The following SMARCD1 variants were observed in gnomAD, a reference collection of about 807,000 sequenced individuals.
SMARCD1 encodes SWI/SNF related BAF chromatin remodeling complex subunit D1, also known as SWI/SNF-related matrix-associated actin-dependent regulator of chromatin subfamily D member 1.
A neutral mutation model predicts 70.8 loss-of-function variants in SMARCD1; 16 were observed. The observed-to-expected ratio is 0.23, with a 90% CI of 0.15 to 0.34. The LOEUF is 0.34. SMARCD1 is among the 10% of genes least tolerant of loss of function. The pLI, the probability that SMARCD1 is intolerant of heterozygous loss-of-function variation, is 1.00. For synonymous variants in SMARCD1, 249 were observed against 246.0 expected, an observed-to-expected ratio of 1.01 and a Z score of -0.11; for missense variants, 409 against 655.5, an observed-to-expected ratio of 0.62 and a Z score of 4.11.
chr12:50,095,200 C>G (rs1424765284), intron 10 of SMARCD1, among the ~76,000 whole-genome samples: 1 of 152,236 alleles, frequency 6.6e-6, no homozygotes, highest in Non-Finnish European at 1.5e-5. Flanking sequence ...ATGGTAACTT[C>G]TGCTACTATT....
intron 4 of SMARCD1, 150 bp from the exon 5 acceptor site, chr12:50,087,213 C>T (rs1950799802): frequency 1.0e-6 from 1 of 952,990 alleles, no homozygotes; most frequent in Non-Finnish European, 1.6e-6. Context: ...CAGTACTCCT[C>T]TTCTAAATGG....
Position 50,099,212 on chromosome 12 carries a change from C to A in SMARCD1, c.*212C>A. On this transcript the variant is annotated 3_prime_UTR_variant, in exon 13 of 13. Coordinates refer to ENST00000394963, the MANE Select transcript of SMARCD1 (RefSeq NM_003076.5). ...CCACCCCCAGCTTCCCTTTGCCCCACAAAGTTCCCATGTGCCTGTACCCTC... is the reference window on the plus strand; with the variant it reads ...CCACCCCCAGCTTCCCTTTGCCCCAAAAAGTTCCCATGTGCCTGTACCCTC... 1.6e-6 allele frequency: 1 copy of A among 618,888 alleles called. No homozygotes were observed. Among genetic ancestry groups the A allele is most frequent in the Non-Finnish European group, 2.9e-6 (1 of 347,542 alleles). 38.3% of individuals were successfully genotyped at this position (618,888 alleles called of 1,614,324 possible). A position where few individuals can be genotyped will look rare whatever the true frequency, so the allele number is the denominator to read the frequency against.
chr12:50,094,577 G>A lies in SMARCD1; in HGVS notation c.1269+5G>A. On this transcript the variant is annotated splice_donor_5th_base_variant and intron_variant, in intron 10 of 12. Transcript: ENST00000394963. ...ATTGCTACTCTAGACAACAAGGTAG[G>A]GGTCTGTGCCCTGGATAGTTGGGTA... is the stretch of plus-strand genomic sequence containing the variant. 1 of 1,613,722 alleles carries A rather than the reference G, an allele frequency of 6.2e-7. No individual in the cohort carries two copies. Among genetic ancestry groups the A allele is most frequent in the African/African-American group, 1.3e-5 (1 of 75,000 alleles).
At chr12:50,087,253 G>A (rs919575633) in intron 4 of SMARCD1, 110 bp from the exon 5 acceptor site, 155 of 1,318,152 alleles carry the variant, frequency 1.2e-4, no homozygotes, top group Non-Finnish European at 1.6e-4. Context: ...AAGGGACTGG[G>A]TAGACAGTAA....
Position 50,094,546 on chromosome 12 carries a change from C to G in SMARCD1, c.1243C>G (p.Gln415Glu). The change falls in exon 10 of 13, where the codon CAG becomes GAG. Residue 415 changes from glutamine (Q) to glutamate (E), a missense_variant. Physicochemically the swap from Gln to Glu is conservative, Grantham distance 29. This residue lies in a region of SMARCD1 where 269 missense variants were observed against 498.6 expected (regional missense o/e 0.54). Transcript: ENST00000394963. ...NSFLLSTASQ[Q>E]EIATLDNKIH... The stretch of plus-strand genomic sequence containing the variant: ...TTTTCTGCTGTCCACTGCCAGCCAA[C>G]AGGAGATTGCTACTCTAGACAACAA... The G allele has an allele frequency of 6.2e-7, 1 of 1,614,120 alleles. No homozygotes were observed. Among genetic ancestry groups the G allele is most frequent in the Non-Finnish European group, 8.5e-7 (1 of 1,180,002 alleles).
chr12:50,089,686 A>G (rs1009046175), intron 6 of SMARCD1, among the ~76,000 whole-genome samples, 198 bp from the exon 7 acceptor site: 24 of 152,250 alleles, frequency 1.6e-4, no homozygotes, highest in African/African-American at 5.8e-4. Flanking sequence ...ATCAACCACA[A>G]ACAATTAAAA....
intron 9 of SMARCD1, among the ~76,000 whole-genome samples, chr12:50,091,897 C>G (rs1254554736): frequency 1.3e-5 from 2 of 152,106 alleles, no homozygotes; most frequent in South Asian, 2.1e-4. Context: ...ATATTTAAAG[C>G]CCAAAGATCA....
At chr12:50,087,822 T>C (rs1407122609) in intron 5 of SMARCD1, among the ~76,000 whole-genome samples, 1 of 152,102 alleles carries the variant, frequency 6.6e-6, no homozygotes, top group Non-Finnish European at 1.5e-5. Flanking sequence ...AGGCTGTGTT[T>C]CCTCTCTGAG....
intron 1 of SMARCD1, 178 bp from the exon 2 acceptor site, chr12:50,085,983 T>C (rs1950785181): frequency 2.3e-6 from 1 of 436,894 alleles, no homozygotes; most frequent in South Asian, 8.7e-5. Flanking sequence ...CTCGCTTAGC[T>C]TTTGGACTCT....
chr12:50,095,349 T>TG (rs1220322022), intron 10 of SMARCD1, among the ~76,000 whole-genome samples: 2 of 151,006 alleles, frequency 1.3e-5, no homozygotes, highest in African/African-American at 2.4e-5. Context: ...TTTTTTGAGA[T>TG]GGAGTCTTGC....
At position 50,086,409 on chromosome 12, in the gene SMARCD1, G is replaced by T. The variant is rs898330909; in HGVS notation, c.365+61G>T. 40 of 1,422,796 alleles carry T rather than the reference G, an allele frequency of 2.8e-5. 1 individual carries two copies. In the East Asian group the frequency reaches 8.6e-4, roughly 31 times the overall value. The allele number at this position is 1,422,796 out of a possible 1,614,324, so 88.1% of individuals were successfully genotyped here. A position where few individuals can be genotyped will look rare whatever the true frequency, so the allele number is the denominator to read the frequency against. On this transcript the variant is annotated intron_variant, in intron 2 of 12. Coordinates refer to ENST00000394963, the MANE Select transcript of SMARCD1 (RefSeq NM_003076.5). ...GAGCCTGGGAGGACACAGGTGGTGG[G>T]AGTACCTGAACCAAGAAGTGGTGGT...
At chr12:50,085,935 C>T in intron 1 of SMARCD1, 1 of 407,654 alleles carries the variant, frequency 2.5e-6, no homozygotes, top group Non-Finnish European at 4.3e-6. Context: ...CGATGTGTCC[C>T]ATCCAAAATA....
intron 5 of SMARCD1, among the ~76,000 whole-genome samples, chr12:50,088,042 G>A (rs754235832): frequency 1.3e-5 from 2 of 152,090 alleles, no homozygotes; most frequent in African/African-American, 4.8e-5. Context: ...TTAGCTGCTC[G>A]CAGGCAAGCT....
rs941999997 is a variant in SMARCD1 at position 50,085,557 on chromosome 12, C to A, written c.177+11C>A. On this transcript the variant is annotated intron_variant, in intron 1 of 12. Transcript: ENST00000394963. ...GGAGCGGCCTATCCGGTGAGTGGGGCAGGAGGAGGGGCGCGCGGGCCGGGG... is the reference window on the plus strand; with the variant it reads ...GGAGCGGCCTATCCGGTGAGTGGGGAAGGAGGAGGGGCGCGCGGGCCGGGG... The A allele has an allele frequency of 2.4e-6, 3 of 1,226,918 alleles. No individual in the cohort carries two copies. The highest frequency in any genetic ancestry group is 3.0e-6 in the Non-Finnish European group (3 of 985,052). The allele number at this position is 1,226,918 out of a possible 1,614,324, so 76.0% of individuals were successfully genotyped here.
chr12:50,094,175 T>A (rs1950871826), intron 9 of SMARCD1, among the ~76,000 whole-genome samples: 1 of 152,194 alleles, frequency 6.6e-6, no homozygotes, highest in Non-Finnish European at 1.5e-5. Context: ...CCATTGACTT[T>A]TTAAATAAAT....
chr12:50,090,951 A>G (rs1950837746), intron 9 of SMARCD1, among the ~76,000 whole-genome samples: 1 of 147,460 alleles, frequency 6.8e-6, no homozygotes, highest in Non-Finnish European at 1.5e-5. Context: ...CAGCCTCCCG[A>G]GTAGCCGGGA....
intron 11 of SMARCD1, among the ~76,000 whole-genome samples, chr12:50,098,283 C>T (rs1009664946): frequency 2.6e-5 from 4 of 152,334 alleles, no homozygotes; most frequent in Admixed American, 2.0e-4. Flanking sequence ...ACAGGCTTGT[C>T]TCACAGTTGT....
At position 50,090,821 on chromosome 12, in the gene SMARCD1, C is replaced by CTTTTTTTTTTTTTTTTTTTTTTT. The variant is rs11443542; in HGVS notation, c.1133+251_1133+252insTTTTTTTTTTTTTTTTTTTTTTT. ...ATTATTACATTTTATTGTATTTGTG[C>CTTTTTTTTTTTTTTTTTTTTTTT]TTTTTTTTTTTTTTTTTTTTGGAGA... On this transcript the variant is annotated intron_variant, in intron 9 of 12. Transcript: ENST00000394963. Among the ~76,000 whole-genome samples, 3 of 102,438 alleles carry CTTTTTTTTTTTTTTTTTTTTTTT rather than the reference C, an allele frequency of 2.9e-5. 1 individual carries two copies. 67.2% of individuals were successfully genotyped at this position (102,438 alleles called of 152,430 possible). A position where few individuals can be genotyped will look rare whatever the true frequency, so the allele number is the denominator to read the frequency against.
At chr12:50,095,373 C>CTGGA (rs993584439) in intron 10 of SMARCD1, among the ~76,000 whole-genome samples, 1 of 151,574 alleles carries the variant, frequency 6.6e-6, no homozygotes, top group African/African-American at 2.4e-5. Flanking sequence ...GCCGCTCAGG[C>CTGGA]TGGAGTGCAA....
Sources: gnomAD v4.1 joint callset for allele counts (sites outside exome capture counted in the v4.1 genomes callset) on GRCh38, gnomAD v4.1.1 for gene constraint, gnomAD v4.1.1 regional missense constraint, MANE v1.5 for transcripts, NCBI Gene and HGNC (gene_info 2026-07-23, HGNC 2026-07-21) for gene names.